Variants in MEST observed in about 807,000 individuals in gnomAD.
The protein encoded by MEST is mesoderm specific transcript, also known as mesoderm-specific transcript homolog protein.
MEST carries 18 observed loss-of-function variants against 50.9 expected under a neutral mutation model. The observed-to-expected ratio is 0.35, with a 90% confidence interval of 0.24 to 0.52. The LOEUF (loss-of-function observed/expected upper bound fraction) is 0.52. Among genes scored for constraint, MEST ranks in the 20% least tolerant of loss-of-function variants. The pLI is 0.94. For missense variants in MEST, 282 were observed against 425.3 expected, an observed-to-expected ratio of 0.66 and a Z score of 2.96; for synonymous variants, 130 against 154.1, an observed-to-expected ratio of 0.84 and a Z score of 1.16.
upstream of MEST, among the ~76,000 whole-genome samples, chr7:130,491,857 C>T (rs1172897715): frequency 1.3e-5 from 2 of 152,050 alleles, no homozygotes; most frequent in Non-Finnish European, 2.9e-5. This position sits in a 1 kb window ranked among gnomAD's most constrained non-coding sequence, Gnocchi z 6.8. Flanking sequence ...TGGCGGTTAA[C>T]GAGGGAGCAG....
rs1554437191 is a variant in MEST, at chr7:130,497,142, TTCC to T, written c.182-12_182-10del. 1 of 1,605,242 alleles carries T rather than the reference TTCC, an allele frequency of 6.2e-7. No individual in the cohort carries two copies. Among genetic ancestry groups the T allele is most frequent in the Non-Finnish European group, 8.5e-7 (1 of 1,175,422 alleles). Reference sequence around the variant, plus strand: ...GGGATTTGGCATAATTGATTGTACTTTCCTTCTTCCTAGACTCTGTGGGTGTGG... The same window carrying T: ...GGGATTTGGCATAATTGATTGTACTTTTCTTCCTAGACTCTGTGGGTGTGG... On this transcript the variant is annotated splice_polypyrimidine_tract_variant and intron_variant, in intron 2 of 11. Transcript: ENST00000223215. This position sits in a 1 kb window ranked among gnomAD's most constrained non-coding sequence, Gnocchi z 4.0.
chr7:130,495,672 C>T (rs546961862), intron 2 of MEST, 150 bp downstream of exon 2: 13 of 773,800 alleles, frequency 1.7e-5, no homozygotes, highest in African/African-American at 7.2e-5. Context: ...TGCAGAGAAG[C>T]GCAGAAAACT....
intron 10 of MEST, 102 bp downstream of exon 10, chr7:130,502,822 A>G (rs1379258325): frequency 2.6e-6 from 2 of 781,846 alleles, no homozygotes; most frequent in Non-Finnish European, 4.2e-6. Context: ...GCAAATAAAA[A>G]TATAAGATAC....
upstream of MEST, chr7:130,491,387 A>ACCTGCC (rs1554435149): frequency 6.6e-6 from 1 of 152,282 alleles, no homozygotes; most frequent in Non-Finnish European, 1.5e-5. The surrounding 1 kb of genome is among the most constrained non-coding windows in gnomAD (Gnocchi z 6.8). Context: ...TGTAAAGGAA[A>ACCTGCC]CCTGCCCCGC....
intron 4 of MEST, 37 bp downstream of exon 4, chr7:130,498,050 G>C (rs782135787): frequency 1.2e-6 from 2 of 1,613,870 alleles, no homozygotes; most frequent in South Asian, 2.2e-5. Flanking sequence ...GATGGGGTGT[G>C]GGGGCAGACG....
Position 130,501,981 on chromosome 7 carries a change from C to T in MEST, c.750-663C>T, listed in dbSNP as rs375891695. 4.9e-3 allele frequency among the ~76,000 whole-genome samples: 662 copies of T among 135,178 alleles called. 6 individuals are homozygous for T. Among genetic ancestry groups the T allele is most frequent in the African/African-American group, 0.016 (630 of 38,400 alleles). The allele number at this position is 135,178 out of a possible 152,430, so 88.7% of individuals were successfully genotyped here. ...TCAGCCTGGGCACAGAGTGAGACTCCGTCTCAAAAAAAAAAAAAGAAAAAA... is the reference window on the plus strand; with the variant it reads ...TCAGCCTGGGCACAGAGTGAGACTCTGTCTCAAAAAAAAAAAAAGAAAAAA... On this transcript the variant is annotated intron_variant, in intron 9 of 11. Transcript: ENST00000223215.
intron 2 of MEST, 185 bp from the exon 3 acceptor site, chr7:130,496,971 G>C: frequency 2.3e-6 from 1 of 437,090 alleles, no homozygotes; most frequent in Non-Finnish European, 4.1e-6. Flanking sequence ...TATACAGATT[G>C]AAAGGAGAAA....
chr7:130,502,462 C>T (rs1799311198), intron 9 of MEST, among the ~76,000 whole-genome samples, 182 bp from the exon 10 acceptor site: 1 of 152,174 alleles, frequency 6.6e-6, no homozygotes, highest in African/African-American at 2.4e-5. Flanking sequence ...ACTAGAGCTA[C>T]ATGGTGGTTA....
intron 11 of MEST, 102 bp from the exon 12 acceptor site, chr7:130,504,837 C>A: frequency 1.3e-6 from 1 of 770,964 alleles, no homozygotes; most frequent in South Asian, 1.7e-5. Flanking sequence ...TGGCTCCTTC[C>A]AGTGTGGTGT....
At position 130,505,224 on chromosome 7, in the gene MEST, C is replaced by T; in HGVS notation, c.*168C>T. Reference sequence around the variant, plus strand: ...GTGTATAGGAAGAAGCCAGCAGGAGCTCTGACTAAGGTTGACATAATAGTC... The same window carrying T: ...GTGTATAGGAAGAAGCCAGCAGGAGTTCTGACTAAGGTTGACATAATAGTC... On this transcript the variant is annotated 3_prime_UTR_variant, in exon 12 of 12. Transcript: ENST00000223215. 1 of 595,876 alleles carries T rather than the reference C, an allele frequency of 1.7e-6. No homozygotes were observed. The highest frequency in any genetic ancestry group is 3.0e-6 in the Non-Finnish European group (1 of 330,268). The allele number at this position is 595,876 out of a possible 1,614,324, so 36.9% of individuals were successfully genotyped here.
chr7:130,496,556 C>T (rs1441477891), intron 2 of MEST: 1 of 195,682 alleles, frequency 5.1e-6, no homozygotes, highest in African/African-American at 2.4e-5. Flanking sequence ...ATGCTGAATG[C>T]TTCCATATTG....
intron 1 of MEST, chr7:130,494,763 C>T: frequency 1.1e-6 from 1 of 891,378 alleles, no homozygotes; most frequent in Non-Finnish European, 1.3e-6. Flanking sequence ...GTTTCTCAGC[C>T]CAAATCCAGA....
Position 130,497,736 on chromosome 7 carries a change from C to A in MEST, c.262-200C>A. 1.8e-5 allele frequency: 11 copies of A among 595,790 alleles called. No homozygotes were observed. In the South Asian group the frequency reaches 2.2e-4, roughly 12 times the overall value. 36.9% of individuals were successfully genotyped at this position (595,790 alleles called of 1,614,324 possible). A position where few individuals can be genotyped will look rare whatever the true frequency, so the allele number is the denominator to read the frequency against. ...CTGGAAGGGATCACTGCCAAGTTAC[C>A]CTCCCTCAACAGGGATTAATTACCA... On this transcript the variant is annotated intron_variant, in intron 3 of 11. Transcript: ENST00000223215. The surrounding 1 kb of genome is among the most constrained non-coding windows in gnomAD (Gnocchi z 4.0).
Position 130,499,860 on chromosome 7 carries a change from A to G in MEST, c.536-15A>G, listed in dbSNP as rs1210805853. 4 of 1,597,646 alleles carry G rather than the reference A, an allele frequency of 2.5e-6. No homozygotes were observed. Among genetic ancestry groups the G allele is most frequent in the Non-Finnish European group, 3.4e-6 (4 of 1,174,710 alleles). On this transcript the variant is annotated splice_polypyrimidine_tract_variant and intron_variant, in intron 6 of 11. Transcript: ENST00000223215. Reference sequence around the variant, plus strand: ...AAAGCTGTAGGTAAATGACTAAGATAAGTCTCTTCTACAGGTATCTTTCCT... The same window carrying G: ...AAAGCTGTAGGTAAATGACTAAGATGAGTCTCTTCTACAGGTATCTTTCCT...
At chr7:130,504,509 A>G (rs1799400445) in intron 11 of MEST, among the ~76,000 whole-genome samples, 2 of 152,194 alleles carry the variant, frequency 1.3e-5, no homozygotes. Flanking sequence ...GGCCTACTGG[A>G]TACAAGCTAG....
chr7:130,505,634 C>T lies in MEST; in HGVS notation c.*578C>T, dbSNP rs1282907899. ...AAAATAGATATTGGTTTAAATGATACAGTATTTTAGGTATGATTTAAGACT... is the reference window on the plus strand; with the variant it reads ...AAAATAGATATTGGTTTAAATGATATAGTATTTTAGGTATGATTTAAGACT... On this transcript the variant is annotated 3_prime_UTR_variant, in exon 12 of 12. Coordinates refer to ENST00000223215, the MANE Select transcript of MEST (RefSeq NM_002402.4). 6.6e-6 allele frequency: 1 copy of T among 152,282 alleles called. No homozygotes were observed. Among genetic ancestry groups the T allele is most frequent in the Non-Finnish European group, 1.5e-5 (1 of 68,136 alleles). 9.4% of individuals were successfully genotyped at this position (152,282 alleles called of 1,614,324 possible).
chr7:130,502,802 A>G (rs954656747), intron 10 of MEST, 82 bp downstream of exon 10: 28 of 989,930 alleles, frequency 2.8e-5, no homozygotes, highest in Non-Finnish European at 3.8e-5. Flanking sequence ...AATTAGGGTT[A>G]CCAGATTTAG....
chr7:130,504,643 AT>A (rs1799408486), intron 11 of MEST, among the ~76,000 whole-genome samples: 1 of 152,204 alleles, frequency 6.6e-6, no homozygotes, highest in Non-Finnish European at 1.5e-5. Flanking sequence ...CACTTGTTTG[AT>A]GCTTCATCCT....
intron 1 of MEST, 115 bp from the exon 2 acceptor site, chr7:130,495,253 A>G (rs955502633): frequency 1.0e-5 from 11 of 1,065,668 alleles, no homozygotes; most frequent in East Asian, 1.0e-4. Context: ...GTGAAGGGCA[A>G]TGTAATCATT....
Sources: gnomAD v4.1 joint callset for allele counts (sites outside exome capture counted in the v4.1 genomes callset) on GRCh38, gnomAD v4.1.1 for gene constraint, Gnocchi (gnomAD v3.1) non-coding constraint, MANE v1.5 for transcripts, NCBI Gene and HGNC (gene_info 2026-07-23, HGNC 2026-07-21) for gene names.